Variants in PRAG1 observed in about 807,000 individuals in gnomAD.
PRAG1 encodes the protein PEAK1 related, kinase-activating pseudokinase 1, also known as inactive tyrosine-protein kinase PRAG1.
In PRAG1, 110 loss-of-function variants were observed where a neutral mutation model predicts 95.6. The ratio of observed to expected loss-of-function variants is 1.15; its 90% confidence interval spans 0.99 to 1.35. The LOEUF (loss-of-function observed/expected upper bound fraction) is 1.35, where lower values mean the gene tolerates loss of function less well. PRAG1 is among the 40% of genes most tolerant of loss of function. The pLI, the probability that PRAG1 is intolerant of heterozygous loss-of-function variation, is 0.00. For synonymous variants in PRAG1, 1,052 were observed against 819.4 expected (o/e 1.28, Z -4.85); for missense variants, 2,554 against 1,864.7 (o/e 1.37, Z -6.81).
At chr8:8,323,078 T>A (rs1045219180) in intron 5 of PRAG1, among the ~76,000 whole-genome samples, 19 of 152,100 alleles carry the variant, frequency 1.2e-4, no homozygotes, top group African/African-American at 4.3e-4. Flanking sequence ...CTAAATAGAC[T>A]GCAAAAAATG....
At chr8:8,378,220 A>C in intron 2 of PRAG1, 142 bp from the exon 3 acceptor site, 1 of 917,108 alleles carries the variant, frequency 1.1e-6, no homozygotes, top group Non-Finnish European at 1.6e-6. Flanking sequence ...CCGGGGACTC[A>C]GTGCACGCCC....
chr8:8,378,052 C>T lies in PRAG1; in HGVS notation c.357G>A (p.Lys119=), dbSNP rs766428210. Residue 119 remains lysine (K), a synonymous_variant, in exon 3 of 6, where the codon AAG becomes AAA. Transcript: ENST00000615670. Reference sequence around the variant, plus strand: ...CATCCTCCTGCTTCGGGAGGGGGAGCTTGCCAGGGGCTCGTCTCCAGATGA... The same window carrying T: ...CATCCTCCTGCTTCGGGAGGGGGAGTTTGCCAGGGGCTCGTCTCCAGATGA... The part of the protein sequence containing the change: ...SQVIWRRAPG[K]LPLPKQEDAP... The T allele has an allele frequency of 1.3e-6, 2 of 1,547,838 alleles. No individual in the cohort carries two copies. Among genetic ancestry groups the T allele is most frequent in the Non-Finnish European group, 1.7e-6 (2 of 1,147,564 alleles).
intron 4 of PRAG1, among the ~76,000 whole-genome samples, chr8:8,338,403 G>C (rs1246977517): frequency 6.6e-6 from 1 of 152,220 alleles, no homozygotes; most frequent in African/African-American, 2.4e-5. Context: ...GAGTGGATCA[G>C]AGCTAACCAG....
At chr8:8,324,398 T>C (rs1798566114) in intron 5 of PRAG1, among the ~76,000 whole-genome samples, 1 of 152,184 alleles carries the variant, frequency 6.6e-6, no homozygotes, top group African/African-American at 2.4e-5. Flanking sequence ...ACTGGGCCTT[T>C]GGCAAGACCC....
Position 8,381,725 on chromosome 8 carries a change from T to A in PRAG1, c.23A>T (p.Asn8Ile). Residue 8 changes from asparagine (N) to isoleucine (I), a missense_variant, in exon 2 of 6, where the codon AAC becomes ATC. Asn to Ile is a moderately radical substitution (Grantham distance 149). Coordinates refer to ENST00000615670, the MANE Select transcript of PRAG1 (RefSeq NM_001080826.3). MHQTLCL[N>I]PESLKMSACS... is the part of the protein sequence containing the mutation. ...CGCAGACATTTTCAGGCTCTCGGGG[T>A]TCAGGCAGAGGGTCTGGTGCATCTT... 1 of 1,598,962 alleles carries A rather than the reference T, an allele frequency of 6.3e-7. No individual in the cohort carries two copies. The highest frequency in any genetic ancestry group is 2.2e-5 in the East Asian group (1 of 44,530).
rs770087402 is a variant in PRAG1, at chr8:8,377,088, C to T, written c.1321G>A (p.Gly441Ser). 2 of 1,613,744 alleles carry T rather than the reference C, an allele frequency of 1.2e-6. No homozygotes were observed. Among genetic ancestry groups the T allele is most frequent in the African/African-American group, 2.7e-5 (2 of 74,958 alleles). ...AKIEHAAAAQ[G>S]QGQVCTGNAW... is the part of the protein sequence containing the mutation. ...TTACCTGTGCATACCTGGCCTTGGC[C>T]CTGGGCAGCAGCTGCATGTTCTATC... The change falls in exon 3 of 6, where the codon GGC becomes AGC. Residue 441 changes from glycine to serine, a missense_variant. Gly to Ser is a moderately conservative substitution (Grantham distance 56, BLOSUM62 0). Coordinates refer to ENST00000615670, the MANE Select transcript of PRAG1 (RefSeq NM_001080826.3).
intron 3 of PRAG1, among the ~76,000 whole-genome samples, chr8:8,372,560 C>G (rs1800245097): frequency 1.3e-5 from 2 of 152,196 alleles, no homozygotes; most frequent in African/African-American, 2.4e-5. Flanking sequence ...CTTGCCGTAC[C>G]CGCCTGGGTT....
At chr8:8,352,042 A>C (rs1440823911) in intron 3 of PRAG1, among the ~76,000 whole-genome samples, 1 of 152,114 alleles carries the variant, frequency 6.6e-6, no homozygotes, top group Non-Finnish European at 1.5e-5. Flanking sequence ...TGCTTTCAGA[A>C]TTCTCAGACC....
intron 3 of PRAG1, among the ~76,000 whole-genome samples, chr8:8,366,629 C>T (rs975507200): frequency 2.0e-5 from 3 of 151,846 alleles, no homozygotes; most frequent in African/African-American, 7.3e-5. Flanking sequence ...CTCTTAAACT[C>T]TTGAATTACT....
intron 4 of PRAG1, among the ~76,000 whole-genome samples, chr8:8,338,541 GTTGTT>G (rs1327507255): frequency 6.6e-6 from 1 of 152,192 alleles, no homozygotes; most frequent in East Asian, 1.9e-4. Flanking sequence ...AAGAAAATCT[GTTGTT>G]GCTACATTCC....
intron 3 of PRAG1, among the ~76,000 whole-genome samples, chr8:8,363,541 G>T (rs1160479703): frequency 6.6e-6 from 1 of 152,186 alleles, no homozygotes; most frequent in Non-Finnish European, 1.5e-5. Context: ...GAAAGTAATG[G>T]TGGTTCCCAG....
rs931885990 is a variant in PRAG1 at position 8,317,829 on chromosome 8, C to A, written c.*325G>T. 7 of 187,008 alleles carry A rather than the reference C, an allele frequency of 3.7e-5. No homozygotes were observed. The highest frequency in any genetic ancestry group is 1.4e-4 in the African/African-American group (6 of 42,060). 11.6% of individuals were successfully genotyped at this position (187,008 alleles called of 1,614,324 possible). A position where few individuals can be genotyped will look rare whatever the true frequency, so the allele number is the denominator to read the frequency against. ...GACAAAAGGGTGAAGAAATCCTAAA[C>A]AAGGTATTGAGGCCAGTGTCCAGGC... On this transcript the variant is annotated 3_prime_UTR_variant, in exon 6 of 6. Coordinates refer to ENST00000615670, the MANE Select transcript of PRAG1 (RefSeq NM_001080826.3).
chr8:8,376,497 G>A lies in PRAG1; in HGVS notation c.1912C>T (p.Arg638Trp), dbSNP rs370911213. The stretch of plus-strand genomic sequence containing the variant: ...TCCACCTCCTCTTCTTCCTCTATCC[G>A]GCACTGACGACTCCAGGTGCCTGCC... ...FQAGTWSRQCRIEEEEEVEQE... is the reference protein window; with the variant it reads ...FQAGTWSRQCWIEEEEEVEQE... Residue 638 changes from arginine to tryptophan, a missense_variant, in exon 3 of 6, where the codon CGG becomes TGG. Transcript: ENST00000615670. The A allele has an allele frequency of 7.4e-5, 119 of 1,612,370 alleles. No individual in the cohort carries two copies. The highest frequency in any genetic ancestry group is 1.7e-4 in the Middle Eastern group (1 of 6,054).
intron 5 of PRAG1, among the ~76,000 whole-genome samples, chr8:8,323,587 G>A (rs1031978302): frequency 1.3e-5 from 2 of 152,108 alleles, no homozygotes; most frequent in African/African-American, 4.8e-5. Context: ...GCCTCCCAAA[G>A]TGCTGGAATT....
intron 3 of PRAG1, among the ~76,000 whole-genome samples, chr8:8,345,057 G>GTGTGTGTC (rs1194399381): frequency 2.7e-5 from 4 of 147,812 alleles, no homozygotes; most frequent in South Asian, 2.2e-4. Context: ...GTGTGTGTGT[G>GTGTGTGTC]TGTGTGTGTG....
intron 4 of PRAG1, among the ~76,000 whole-genome samples, chr8:8,329,474 T>A (rs572956616): frequency 6.6e-6 from 1 of 152,128 alleles, no homozygotes; most frequent in South Asian, 2.1e-4. Flanking sequence ...CCATGCCACA[T>A]CACCCTAAGG....
At chr8:8,328,561 G>T in intron 4 of PRAG1, 100 bp from the exon 5 acceptor site, 1 of 1,294,040 alleles carries the variant, frequency 7.7e-7, no homozygotes. Context: ...TATTTGGTCA[G>T]AGCAATTAAT....
chr8:8,338,431 G>T (rs2980492), intron 4 of PRAG1, among the ~76,000 whole-genome samples: 3,478 of 152,272 alleles, frequency 0.023, 77 homozygotes, highest in Non-Finnish European at 0.038. Context: ...GCTCGTGGTC[G>T]AGATGCACTG....
intron 3 of PRAG1, among the ~76,000 whole-genome samples, chr8:8,366,380 C>A (rs1045663037): frequency 4.1e-5 from 6 of 146,912 alleles, no homozygotes; most frequent in Non-Finnish European, 8.9e-5. Flanking sequence ...ATGGCATGAT[C>A]TTGGCTCACT....
Sources: allele counts gnomAD v4.1 joint callset (sites outside exome capture counted in the v4.1 genomes callset), GRCh38; gene constraint gnomAD v4.1.1; transcripts MANE v1.5; gene names NCBI Gene and HGNC (gene_info 2026-07-23, HGNC 2026-07-21).